The following NSD1 variants were observed in gnomAD, a reference collection of about 807,000 sequenced individuals.
NSD1 encodes nuclear receptor binding SET domain protein 1.
NSD1 carries 26 observed loss-of-function variants against 242.7 expected under a neutral mutation model. That is an observed-to-expected ratio of 0.11 (90% CI 0.08 to 0.15). NSD1 has a LOEUF of 0.15. Ranked by LOEUF, NSD1 falls within the 10% of genes least tolerant of loss-of-function variation. The probability of loss-of-function intolerance (pLI) is 1.00; values close to 1 mark genes in which losing one functional copy is unlikely to be tolerated. For missense variants in NSD1, 2,495 were observed against 3,272.8 expected (o/e 0.76, Z 5.80); for synonymous variants, 1,106 against 1,178.1 (o/e 0.94, Z 1.25).
At chr5:177,143,417 G>A (rs1756981854) in intron 2 of NSD1, among the ~76,000 whole-genome samples, 1 of 152,060 alleles carries the variant, frequency 6.6e-6, no homozygotes, top group Non-Finnish European at 1.5e-5. Flanking sequence ...CGTCTGCCGT[G>A]TTCAAGCAAT....
chr5:177,167,233 G>A (rs932707662), intron 2 of NSD1, among the ~76,000 whole-genome samples: 1 of 151,282 alleles, frequency 6.6e-6, no homozygotes, highest in Non-Finnish European at 1.5e-5. Context: ...TGTTTTCTCC[G>A]TGTCAAAAAT....
intron 2 of NSD1, among the ~76,000 whole-genome samples, chr5:177,145,392 CTTTAGCCTCA>C (rs746573770): frequency 2.6e-5 from 4 of 151,472 alleles, no homozygotes; most frequent in Admixed American, 6.6e-5. Flanking sequence ...GATTCTCCTA[CTTTAGCCTCA>C]TGAGTAGTTG....
intron 12 of NSD1, among the ~76,000 whole-genome samples, chr5:177,252,989 T>C (rs535665389): frequency 1.2e-3 from 184 of 152,244 alleles, no homozygotes; most frequent in African/African-American, 4.3e-3. Context: ...TATGCTCTTA[T>C]AACGAGTTAC....
At chr5:177,159,890 A>AAT (rs1161922846) in intron 2 of NSD1, among the ~76,000 whole-genome samples, 1 of 149,410 alleles carries the variant, frequency 6.7e-6, no homozygotes, top group Non-Finnish European at 1.5e-5. Flanking sequence ...CACCCGGCCG[A>AAT]ATATATTTTT....
At chr5:177,256,164 A>G (rs1756436813) in intron 12 of NSD1, among the ~76,000 whole-genome samples, 1 of 151,246 alleles carries the variant, frequency 6.6e-6, no homozygotes, top group African/African-American at 2.4e-5. Context: ...ACGTCTCTGT[A>G]GGTTTTGTTA....
chr5:177,246,024 G>C (rs1047231961), intron 9 of NSD1, among the ~76,000 whole-genome samples: 4 of 150,336 alleles, frequency 2.7e-5, no homozygotes, highest in Non-Finnish European at 5.9e-5. Context: ...AGGCTGGAGT[G>C]CGGTGGCATG....
intron 5 of NSD1, among the ~76,000 whole-genome samples, chr5:177,212,494 T>C (rs1408734379): frequency 6.6e-6 from 1 of 151,350 alleles, no homozygotes; most frequent in Admixed American, 6.6e-5. Context: ...TCTCTTTTTT[T>C]TTTTTTTCTA....
At chr5:177,261,260 T>G (rs1276055135) in intron 14 of NSD1, among the ~76,000 whole-genome samples, 5 of 86,178 alleles carry the variant, frequency 5.8e-5, no homozygotes, top group East Asian at 2.6e-4. Context: ...TTTTTTTTTT[T>G]GTAGAGATGG....
rs1051666154 is a variant in NSD1, at chr5:177,293,989, C to T, written c.6621C>T (p.Pro2207=). 55 of 1,614,022 alleles carry T rather than the reference C, an allele frequency of 3.4e-5. No individual in the cohort carries two copies. The highest frequency in any genetic ancestry group is 4.4e-5 in the Non-Finnish European group (52 of 1,180,030). Residue 2207 remains proline, a synonymous_variant, in exon 23 of 23, where the codon CCC becomes CCT. Coordinates refer to ENST00000439151, the MANE Select transcript of NSD1 (RefSeq NM_022455.5). Reference sequence around the variant, plus strand: ...GTCTGTCTTGTACTGAGCATGACCCCTGTGGGCCCAATCCTCTGGAACCTG... The same window carrying T: ...GTCTGTCTTGTACTGAGCATGACCCTTGTGGGCCCAATCCTCTGGAACCTG... ...DGRLSCTEHD[P]CGPNPLEPGE... is the part of the protein sequence containing the mutation.
At chr5:177,277,128 AT>A (rs201507053) in intron 17 of NSD1, among the ~76,000 whole-genome samples, 7,311 of 137,652 alleles carry the variant, frequency 0.053, 165 homozygotes, top group South Asian at 0.087. Context: ...TCTTTACTCC[AT>A]TTTTTTTTTT....
At chr5:177,278,987 T>A (rs1208090782) in intron 17 of NSD1, among the ~76,000 whole-genome samples, 1 of 152,246 alleles carries the variant, frequency 6.6e-6, no homozygotes, top group African/African-American at 2.4e-5. Flanking sequence ...CACCAAACTT[T>A]CACTGTGTTT....
intron 17 of NSD1, among the ~76,000 whole-genome samples, chr5:177,279,609 A>ATT (rs1457964040): frequency 0.023 from 2,429 of 107,636 alleles, 194 homozygotes; most frequent in African/African-American, 0.088. Context: ...CAGCTTTGAA[A>ATT]ATTTTTTTTT....
chr5:177,204,065 T>A (rs1762701250), intron 3 of NSD1, 55 bp from the exon 4 acceptor site: 2 of 1,523,546 alleles, frequency 1.3e-6, no homozygotes, highest in Non-Finnish European at 1.8e-6. Flanking sequence ...GTTCTCTTAA[T>A]GATGAGAAGT....
rs552521144 is a variant in NSD1 at position 177,188,455 on chromosome 5, A to G, written c.928-3429A>G. On this transcript the variant is annotated intron_variant, in intron 2 of 22. Transcript: ENST00000439151. ...TTTATTTGGTCATGTAAATTTTTCA[A>G]GATAGAAGAAAGTAAATAGGGGTTT... Among the ~76,000 whole-genome samples, 4 of 152,306 alleles carry G rather than the reference A, an allele frequency of 2.6e-5. No homozygotes were observed. The East Asian group carries it at 7.7e-4, about 29-fold the overall frequency.
intron 2 of NSD1, among the ~76,000 whole-genome samples, chr5:177,160,649 C>CT (rs1375808051): frequency 3.3e-5 from 5 of 151,958 alleles, no homozygotes; most frequent in Admixed American, 1.3e-4. Context: ...TTATCAAGGA[C>CT]TTTTTTTGGT....
intron 2 of NSD1, among the ~76,000 whole-genome samples, chr5:177,163,908 A>G (rs1378250781): frequency 6.6e-6 from 1 of 152,150 alleles, no homozygotes; most frequent in Non-Finnish European, 1.5e-5. Flanking sequence ...TCCTGTTGCA[A>G]AGTACTAAGA....
intron 5 of NSD1, among the ~76,000 whole-genome samples, chr5:177,225,055 G>T (rs1764530445): frequency 6.6e-6 from 1 of 152,084 alleles, no homozygotes; most frequent in Non-Finnish European, 1.5e-5. Context: ...GTATTTTGCT[G>T]AAGATTTAAA....
Position 177,248,283 on chromosome 5 carries a change from G to A in NSD1, c.4600G>A (p.Glu1534Lys), listed in dbSNP as rs2149899753. Reference protein sequence around the residue: ...GMPASKKMQGERGGGAALKEN... With the variant: ...GMPASKKMQGKRGGGAALKEN... ...GCCTGCCTCTAAAAAAATGCAGGGT[G>A]AACGCGGTGGAGGAGCTGCACTCAA... Residue 1534 changes from glutamate to lysine, a missense_variant, in exon 11 of 23, where the codon GAA becomes AAA. By Grantham distance (56) the Glu-to-Lys change is moderately conservative. Transcript: ENST00000439151. 6.2e-7 allele frequency: 1 copy of A among 1,614,062 alleles called. No homozygotes were observed. The highest frequency in any genetic ancestry group is 8.5e-7 in the Non-Finnish European group (1 of 1,179,980).
At chr5:177,156,710 G>A (rs1239634154) in intron 2 of NSD1, among the ~76,000 whole-genome samples, 2 of 152,140 alleles carry the variant, frequency 1.3e-5, no homozygotes, top group African/African-American at 2.4e-5. Context: ...TTTATAGTAT[G>A]TCATGTTTTA....
Sources: gnomAD v4.1 joint callset for allele counts (sites outside exome capture counted in the v4.1 genomes callset) on GRCh38, gnomAD v4.1.1 for gene constraint, MANE v1.5 for transcripts, NCBI Gene and HGNC (gene_info 2026-07-23, HGNC 2026-07-21) for gene names.